DNAJC10: variants seen among roughly 807,000 people sequenced by gnomAD.
DNAJC10 encodes the protein endoplasmic reticulum disulfide reductase DNAJC10.
Under a neutral mutation model 115.0 loss-of-function variants are expected in DNAJC10, and 101 were observed. The ratio of observed to expected loss-of-function variants is 0.88; its 90% CI spans 0.75 to 1.04. The LOEUF is 1.04. DNAJC10 is among the 50% of genes least tolerant of loss of function. DNAJC10 has a pLI of 0.00. For missense variants in DNAJC10, 981 were observed against 928.8 expected (o/e 1.06, Z -0.73); for synonymous variants, 307 against 301.5 (o/e 1.02, Z -0.19).
chr2:182,725,244 C>G (rs966087392), intron 5 of DNAJC10, among the ~76,000 whole-genome samples: 2 of 152,114 alleles, frequency 1.3e-5, no homozygotes, highest in Non-Finnish European at 2.9e-5. Flanking sequence ...CTTCTTGGGC[C>G]TCCCTACTCC....
At chr2:182,748,562 G>T (rs1342571350) in intron 14 of DNAJC10, among the ~76,000 whole-genome samples, 1 of 152,052 alleles carries the variant, frequency 6.6e-6, no homozygotes, top group Non-Finnish European at 1.5e-5. Flanking sequence ...TATTTCTGTG[G>T]GATTGGTGGT....
chr2:182,730,757 A>G (rs886969504), intron 8 of DNAJC10, among the ~76,000 whole-genome samples: 3 of 152,134 alleles, frequency 2.0e-5, no homozygotes, highest in Admixed American at 1.3e-4. Flanking sequence ...CTGGCTAAAT[A>G]GGTAGGCAAA....
intron 11 of DNAJC10, 119 bp from the exon 12 acceptor site, chr2:182,740,180 C>G: frequency 8.6e-7 from 1 of 1,163,376 alleles, no homozygotes; most frequent in Non-Finnish European, 1.1e-6. Flanking sequence ...GTTTGAAAAA[C>G]TATTTACCTT....
chr2:182,739,806 A>G (rs1693686247), intron 11 of DNAJC10: 1 of 994,490 alleles, frequency 1.0e-6, no homozygotes. Context: ...TTCCACTTCT[A>G]AGTTCCTCTT....
In DNAJC10 at chr2:182,756,360, A is replaced by G. The variant is rs962499448; in HGVS notation, c.1700A>G (p.Asn567Ser). 6 of 1,613,818 alleles carry G rather than the reference A, an allele frequency of 3.7e-6. No homozygotes were observed. Among genetic ancestry groups the G allele is most frequent in the Non-Finnish European group, 1.7e-6 (2 of 1,179,892 alleles). Residue 567 changes from asparagine (N) to serine (S), a missense_variant, in exon 18 of 24, where the codon AAC becomes AGC. Physicochemically the swap from Asn to Ser is conservative, Grantham distance 46. Coordinates refer to ENST00000264065, the MANE Select transcript of DNAJC10 (RefSeq NM_018981.4). ...SVVSLTPTTF[N>S]ELVTQRKHNE... ...GTCTCCCTTACACCCACCACCTTCA[A>G]CGAACTAGTTACACAAAGAAAACAC... is the stretch of plus-strand genomic sequence containing the variant.
intron 21 of DNAJC10, among the ~76,000 whole-genome samples, chr2:182,759,767 T>A (rs1235208111): frequency 6.6e-6 from 1 of 152,200 alleles, no homozygotes; most frequent in Non-Finnish European, 1.5e-5. Flanking sequence ...TCCCTTGATA[T>A]ACTCAGGGGA....
chr2:182,717,770 T>C (rs1693032548), intron 2 of DNAJC10, among the ~76,000 whole-genome samples, 171 bp from the exon 3 acceptor site: 1 of 152,208 alleles, frequency 6.6e-6, no homozygotes, highest in Non-Finnish European at 1.5e-5. Context: ...TTCAGTGATT[T>C]CACAAATCTA....
chr2:182,751,523 C>T, intron 14 of DNAJC10, 135 bp from the exon 15 acceptor site: 2 of 953,798 alleles, frequency 2.1e-6, no homozygotes, highest in South Asian at 1.6e-5. Flanking sequence ...TAGTATACAG[C>T]ACACTAAAAC....
intron 13 of DNAJC10, among the ~76,000 whole-genome samples, chr2:182,742,436 C>T (rs771606879): frequency 2.0e-5 from 3 of 152,302 alleles, no homozygotes; most frequent in Admixed American, 6.5e-5. Context: ...GTGATCCACC[C>T]ACCTCAGCCT....
Position 182,736,006 on chromosome 2 carries a change from T to G in DNAJC10, c.850-243T>G, listed in dbSNP as rs187645589. The stretch of plus-strand genomic sequence containing the variant: ...GTAGAAAGAATTATAAAAAGTAGAT[T>G]TCTACTATTAGGGAAAAACCATTTC... On this transcript the variant is annotated intron_variant, in intron 10 of 23. Coordinates refer to ENST00000264065, the MANE Select transcript of DNAJC10 (RefSeq NM_018981.4). Among the ~76,000 whole-genome samples, 5 of 152,218 alleles carry G rather than the reference T, an allele frequency of 3.3e-5. No individual in the cohort carries two copies. The East Asian group carries it at 9.6e-4, about 29-fold the overall frequency.
At chr2:182,775,682 T>C (rs921787195) in intron 23 of DNAJC10, among the ~76,000 whole-genome samples, 4 of 152,154 alleles carry the variant, frequency 2.6e-5, no homozygotes, top group Non-Finnish European at 5.9e-5. Context: ...CAAATATTTA[T>C]AGCTGTATCA....
At chr2:182,727,056 G>T (rs1356099545) in intron 5 of DNAJC10, among the ~76,000 whole-genome samples, 6 of 146,782 alleles carry the variant, frequency 4.1e-5, no homozygotes, top group Non-Finnish European at 6.0e-5. Context: ...TGTTTTGTTT[G>T]TTTTTTTTTT....
In DNAJC10 at chr2:182,752,122, T is replaced by G; in HGVS notation, c.1485T>G (p.Asn495Lys). 1 of 1,613,812 alleles carries G rather than the reference T, an allele frequency of 6.2e-7. No individual in the cohort carries two copies. ...TACCAGAGTTACGAAGAGCATCAAA[T>G]CTTCTTTATGGTCAGCTTAAGTTTG... is the stretch of plus-strand genomic sequence containing the variant. The part of the protein sequence containing the change: ...ALLPELRRAS[N>K]LLYGQLKFGT... Residue 495 changes from asparagine (N) to lysine (K), a missense_variant, in exon 16 of 24, where the codon AAT (asparagine) becomes AAG (lysine). Asn to Lys is a moderately conservative substitution (Grantham distance 94). Transcript: ENST00000264065.
chr2:182,732,535 G>A lies in DNAJC10; in HGVS notation c.842G>A (p.Gly281Asp), dbSNP rs562836448. 1 of 1,613,022 alleles carries A rather than the reference G, an allele frequency of 6.2e-7. No individual in the cohort carries two copies. The highest frequency in any genetic ancestry group is 1.1e-5 in the South Asian group (1 of 90,996). ...TCACAGACACGACTCAGGCTTAGTG[G>A]CATGTTGGTAAGCATCAATCATTTT... ...LTSQTRLRLS[G>D]MLDGLVNVGW... The change falls in exon 10 of 24, where the codon GGC becomes GAC. Residue 281 changes from glycine (G) to aspartate (D), a missense_variant. By Grantham distance (94) the Gly-to-Asp change is moderately conservative. Coordinates refer to ENST00000264065, the MANE Select transcript of DNAJC10 (RefSeq NM_018981.4).
rs1694762069 is a variant in DNAJC10 at position 182,778,292 on chromosome 2, G to C, written c.*1160G>C. The C allele has an allele frequency of 6.6e-6, 1 of 152,060 alleles. No individual in the cohort carries two copies. The highest frequency in any genetic ancestry group is 6.6e-5 in the Admixed American group (1 of 15,256). 9.4% of individuals were successfully genotyped at this position (152,060 alleles called of 1,614,324 possible). On this transcript the variant is annotated 3_prime_UTR_variant, in exon 24 of 24. Coordinates refer to ENST00000264065, the MANE Select transcript of DNAJC10 (RefSeq NM_018981.4). ...TACTGTCAGAGGGCTGCCTTTTTCA[G>C]ATAAATATTGACATAATAACTGAAG...
At chr2:182,740,144 T>G (rs939642330) in intron 11 of DNAJC10, 155 bp from the exon 12 acceptor site, 1 of 1,165,166 alleles carries the variant, frequency 8.6e-7, no homozygotes, top group Non-Finnish European at 1.1e-6. Flanking sequence ...AAAATACACT[T>G]TTTTTGAAAA....
chr2:182,740,624 A>G (rs1181999545), intron 12 of DNAJC10, among the ~76,000 whole-genome samples: 1 of 152,136 alleles, frequency 6.6e-6, no homozygotes. Flanking sequence ...TGGGCTTCAA[A>G]AGGAACATCA....
At position 182,790,921 on chromosome 2, in the gene DNAJC10, T is replaced by C. The variant is rs1695038322; in HGVS notation, c.*13789T>C. 6.6e-6 allele frequency: 1 copy of C among 152,198 alleles called. No individual in the cohort carries two copies. Among genetic ancestry groups the C allele is most frequent in the Non-Finnish European group, 1.5e-5 (1 of 68,024 alleles). The allele number at this position is 152,198 out of a possible 1,614,324, so 9.4% of individuals were successfully genotyped here. On this transcript the variant is annotated 3_prime_UTR_variant, in exon 24 of 24. Coordinates refer to ENST00000264065, the MANE Select transcript of DNAJC10 (RefSeq NM_018981.4). Reference sequence around the variant, plus strand: ...ACTTTTCCTTTGCTTTATTCTCTTATTTCTTCCAAGTAACCATATTCTCTT... The same window carrying C: ...ACTTTTCCTTTGCTTTATTCTCTTACTTCTTCCAAGTAACCATATTCTCTT...
intron 22 of DNAJC10, among the ~76,000 whole-genome samples, chr2:182,774,065 A>C (rs1297441880): frequency 6.6e-6 from 1 of 152,120 alleles, no homozygotes; most frequent in African/African-American, 2.4e-5. Context: ...TCTGTTTGTT[A>C]GTTTTCCTTC....
Sources: gnomAD v4.1 joint callset for allele counts (sites outside exome capture counted in the v4.1 genomes callset) on GRCh38, gnomAD v4.1.1 for gene constraint, MANE v1.5 for transcripts, NCBI Gene and HGNC (gene_info 2026-07-23, HGNC 2026-07-21) for gene names.